The following TNKS variants were observed in gnomAD, a reference collection of about 807,000 sequenced individuals.
The protein encoded by TNKS is tankyrase, also known as poly [ADP-ribose] polymerase tankyrase-1.
In TNKS, 72 loss-of-function variants were observed where a neutral mutation model predicts 135.8. That is an observed-to-expected ratio of 0.53 (90% CI 0.44 to 0.64). The LOEUF is 0.64. Ranked by LOEUF, TNKS falls within the 30% of genes least tolerant of loss-of-function variation. TNKS has a pLI of 0.00. For synonymous variants in TNKS, 849 were observed against 649.3 expected (o/e 1.31, Z -4.68); for missense variants, 1,769 against 1,674.0 (o/e 1.06, Z -0.99).
rs372015227 is a variant in TNKS at position 9,761,649 on chromosome 8, GA to G, written c.3274+26del. 7.2e-3 allele frequency: 9,247 copies of G among 1,283,678 alleles called. 2 individuals carry two copies. Among genetic ancestry groups the G allele is most frequent in the Admixed American group, 0.013 (486 of 38,866 alleles). 79.5% of individuals were successfully genotyped at this position (1,283,678 alleles called of 1,614,324 possible). The stretch of plus-strand genomic sequence containing the variant: ...GGTGGACAACAAGGTAAGCTATTCA[GA>G]AAAAAAAAAAAATTTCAGAAATCAG... On this transcript the variant is annotated intron_variant, in intron 21 of 26. Coordinates refer to ENST00000310430, the MANE Select transcript of TNKS (RefSeq NM_003747.3).
At chr8:9,680,598 T>C in intron 4 of TNKS, 127 bp from the exon 5 acceptor site, 1 of 618,974 alleles carries the variant, frequency 1.6e-6, no homozygotes, top group Non-Finnish European at 2.9e-6. Flanking sequence ...GCAAAAGAGA[T>C]TTATTGTGAT....
chr8:9,740,207 G>C (rs967439427), intron 17 of TNKS, among the ~76,000 whole-genome samples: 1 of 152,142 alleles, frequency 6.6e-6, no homozygotes, highest in African/African-American at 2.4e-5. Flanking sequence ...CTCAAGCCTG[G>C]CTCACGGCAG....
chr8:9,731,113 T>G, intron 14 of TNKS, 78 bp downstream of exon 14: 1 of 1,389,782 alleles, frequency 7.2e-7, no homozygotes, highest in African/African-American at 1.5e-5. Context: ...AAGTCTTAGA[T>G]TTTTTCTGTA....
At chr8:9,569,370 C>G (rs906292465) in intron 1 of TNKS, among the ~76,000 whole-genome samples, 1 of 152,212 alleles carries the variant, frequency 6.6e-6, no homozygotes, top group Non-Finnish European at 1.5e-5. Flanking sequence ...AGAACATTAT[C>G]TGCAATCCAT....
rs73535829 is a variant in TNKS, at chr8:9,592,488, G to A, written c.898+12105G>A. Among the ~76,000 whole-genome samples the A allele has an allele frequency of 2.5e-3, 376 of 152,210 alleles. 1 individual carries two copies. The highest frequency in any genetic ancestry group is 8.5e-3 in the African/African-American group (352 of 41,530). On this transcript the variant is annotated intron_variant, in intron 2 of 26. Coordinates refer to ENST00000310430, the MANE Select transcript of TNKS (RefSeq NM_003747.3). ...TTGTAAACTTCCTGTTCTTCTTGGC[G>A]TCTAGAAGTAGAGTAGTTCTCTGTG... is the stretch of plus-strand genomic sequence containing the variant.
At chr8:9,700,810 TGA>T (rs935293411) in intron 5 of TNKS, among the ~76,000 whole-genome samples, 2 of 152,240 alleles carry the variant, frequency 1.3e-5, no homozygotes, top group African/African-American at 4.8e-5. Flanking sequence ...CTAATTTATT[TGA>T]GTTATATAAA....
chr8:9,634,807 A>T (rs1386109931), intron 3 of TNKS, among the ~76,000 whole-genome samples: 1 of 145,910 alleles, frequency 6.9e-6, no homozygotes, highest in Admixed American at 6.7e-5. Context: ...CAAAACTTTG[A>T]AAAAAAAATG....
chr8:9,629,520 C>G (rs1209445354), intron 3 of TNKS, among the ~76,000 whole-genome samples: 2 of 152,212 alleles, frequency 1.3e-5, no homozygotes, highest in African/African-American at 2.4e-5. Flanking sequence ...TCCTGTTGCT[C>G]CTGTATTCCA....
chr8:9,570,957 AGAC>A (rs771818682), intron 1 of TNKS, among the ~76,000 whole-genome samples: 3 of 152,228 alleles, frequency 2.0e-5, no homozygotes, highest in Non-Finnish European at 4.4e-5. Context: ...CAATAGAGTA[AGAC>A]CTGTCTCTTA....
rs1362041107 is a variant in TNKS, at chr8:9,766,374, G to T, written c.3689G>T (p.Gly1230Val). The change falls in exon 25 of 27, where the codon GGA becomes GTA. Residue 1230 changes from glycine to valine, a missense_variant. By Grantham distance (109) the Gly-to-Val change is moderately radical (BLOSUM62 -3). Around this residue, in one of 5 missense-constraint regions of TNKS, gnomAD observed 722 missense variants for 688.9 expected, o/e 1.05. Coordinates refer to ENST00000310430, the MANE Select transcript of TNKS (RefSeq NM_003747.3). ...KSNQYVYGIG[G>V]GTGCPTHKDR... ...AACCAATATGTTTATGGAATTGGAG[G>T]AGGAACAGGCTGCCCTACACACAAG... 3 of 1,613,612 alleles carry T rather than the reference G, an allele frequency of 1.9e-6. No individual in the cohort carries two copies. The highest frequency in any genetic ancestry group is 2.5e-6 in the Non-Finnish European group (3 of 1,179,842).
intron 20 of TNKS, among the ~76,000 whole-genome samples, chr8:9,758,839 T>C (rs1806990684): frequency 6.6e-6 from 1 of 152,226 alleles, no homozygotes; most frequent in Non-Finnish European, 1.5e-5. Flanking sequence ...GCACACATTT[T>C]GTGAGTCAGG....
At chr8:9,605,287 C>T (rs77545154) in intron 2 of TNKS, among the ~76,000 whole-genome samples, 11,429 of 152,014 alleles carry the variant, frequency 0.075, 457 homozygotes, top group South Asian at 0.17. Context: ...TTTTGCTCAT[C>T]ATGTTTTGAA....
At chr8:9,563,933 CTG>C (rs1021069900) in intron 1 of TNKS, among the ~76,000 whole-genome samples, 1 of 152,102 alleles carries the variant, frequency 6.6e-6, no homozygotes, top group African/African-American at 2.4e-5. Flanking sequence ...AAATAAAGGT[CTG>C]AGATAGTTAA....
At chr8:9,644,240 T>A (rs1004950080) in intron 3 of TNKS, among the ~76,000 whole-genome samples, 2 of 152,174 alleles carry the variant, frequency 1.3e-5, no homozygotes, top group Non-Finnish European at 2.9e-5. Flanking sequence ...CACTGTGTAC[T>A]TAAAAGTGGT....
intron 1 of TNKS, among the ~76,000 whole-genome samples, chr8:9,578,236 C>T (rs572428746): frequency 1.3e-5 from 2 of 152,312 alleles, no homozygotes; most frequent in South Asian, 4.1e-4. Context: ...GAGAATAATT[C>T]AACCTTCCTG....
chr8:9,583,234 A>G (rs933368654), intron 2 of TNKS, among the ~76,000 whole-genome samples: 4 of 151,752 alleles, frequency 2.6e-5, no homozygotes, highest in South Asian at 4.2e-4. Context: ...GATGCTATTT[A>G]CCATCAAAAA....
At chr8:9,762,527 A>G (rs1807198339) in intron 21 of TNKS, among the ~76,000 whole-genome samples, 1 of 152,092 alleles carries the variant, frequency 6.6e-6, no homozygotes, top group South Asian at 2.1e-4. Context: ...TGTCAGACAT[A>G]GCTTCATGTA....
chr8:9,762,173 C>CT (rs1216752120), intron 21 of TNKS, among the ~76,000 whole-genome samples: 2 of 152,130 alleles, frequency 1.3e-5, no homozygotes, highest in African/African-American at 4.8e-5. Flanking sequence ...TCAGCTTTGT[C>CT]TTTTTCCATT....
At chr8:9,657,592 GGGCGGAGGGC>G (rs1801456019) in intron 3 of TNKS, among the ~76,000 whole-genome samples, 6 of 83,620 alleles carry the variant, frequency 7.2e-5, no homozygotes, top group African/African-American at 1.9e-4. Context: ...GCGGCTGGCC[GGGCGGAGGGC>G]TGACCCCCCT....
Sources: gnomAD v4.1 joint callset for allele counts (sites outside exome capture counted in the v4.1 genomes callset) on GRCh38, gnomAD v4.1.1 for gene constraint, gnomAD v4.1.1 regional missense constraint, MANE v1.5 for transcripts, NCBI Gene and HGNC (gene_info 2026-07-23, HGNC 2026-07-21) for gene names.